PPARGC1A: variants seen among roughly 807,000 people sequenced by gnomAD.
PPARGC1A encodes the protein PPARG coactivator 1 alpha.
PPARGC1A carries 25 observed loss-of-function variants against 88.7 expected under a neutral mutation model. The ratio of observed to expected loss-of-function variants is 0.28; its 90% CI spans 0.21 to 0.39. PPARGC1A has a LOEUF of 0.39. PPARGC1A is among the 10% of genes least tolerant of loss of function. The pLI, the probability that PPARGC1A is intolerant of heterozygous loss-of-function variation, is 1.00. For missense variants in PPARGC1A, 880 were observed against 968.7 expected (o/e 0.91, Z 1.22); for synonymous variants, 363 against 355.6 (o/e 1.02, Z -0.24).
the PPARGC1A span, among the ~76,000 whole-genome samples, chr4:24,112,099 A>T: frequency 1.3e-5 from 2 of 152,212 alleles, no homozygotes; most frequent in African/African-American, 4.8e-5. Flanking sequence ...AAATGGGTAG[A>T]GTCTGTCCAT....
At chr4:24,419,647 T>C in the PPARGC1A span, among the ~76,000 whole-genome samples, 1 of 151,862 alleles carries the variant, frequency 6.6e-6, no homozygotes, top group African/African-American at 2.4e-5. Flanking sequence ...GGCGCACTCA[T>C]TCTCAGTCTG....
chr4:23,923,680 C>A, the PPARGC1A span, among the ~76,000 whole-genome samples: 2 of 152,140 alleles, frequency 1.3e-5, no homozygotes, highest in Non-Finnish European at 2.9e-5. Context: ...GAAATAGATT[C>A]CAAAAATGCT....
At chr4:24,031,527 C>A in the PPARGC1A span, among the ~76,000 whole-genome samples, 3 of 152,166 alleles carry the variant, frequency 2.0e-5, no homozygotes, top group Admixed American at 1.3e-4. Context: ...TGGGCAATTG[C>A]AGCTCAGCTC....
chr4:24,223,890 T>G, the PPARGC1A span, among the ~76,000 whole-genome samples: 1 of 152,260 alleles, frequency 6.6e-6, no homozygotes, highest in Non-Finnish European at 1.5e-5. Context: ...CTAATGTTAC[T>G]ATGATATTAC....
the PPARGC1A span, among the ~76,000 whole-genome samples, chr4:24,084,709 T>C: frequency 3.9e-5 from 6 of 152,108 alleles, no homozygotes; most frequent in African/African-American, 1.4e-4. Context: ...ATCTAAGAAA[T>C]ACATCAAACA....
chr4:24,299,946 A>G, the PPARGC1A span, among the ~76,000 whole-genome samples: 1 of 152,244 alleles, frequency 6.6e-6, no homozygotes, highest in Non-Finnish European at 1.5e-5. Flanking sequence ...AGTCTGCATC[A>G]GAAATCACAT....
chr4:24,466,902 A>G, the PPARGC1A span, among the ~76,000 whole-genome samples: 22 of 135,738 alleles, frequency 1.6e-4, no homozygotes, highest in South Asian at 2.4e-4. Context: ...AAAAAAAAAG[A>G]GGAAGGAAGG....
chr4:24,334,234 C>T, the PPARGC1A span, among the ~76,000 whole-genome samples: 3 of 152,164 alleles, frequency 2.0e-5, no homozygotes, highest in Non-Finnish European at 2.9e-5. Context: ...AGTACCTCGC[C>T]TTTTCATACA....
the PPARGC1A span, among the ~76,000 whole-genome samples, chr4:24,365,347 C>A: frequency 6.6e-6 from 1 of 152,060 alleles, no homozygotes; most frequent in Non-Finnish European, 1.5e-5. Flanking sequence ...ATTCTCTGCC[C>A]GGTGACATTT....
chr4:24,205,773 A>T, the PPARGC1A span, among the ~76,000 whole-genome samples: 1 of 152,214 alleles, frequency 6.6e-6, no homozygotes, highest in Non-Finnish European at 1.5e-5. Context: ...AGTCAGAGTC[A>T]GAATCTTTGA....
chr4:24,266,775 G>C, the PPARGC1A span, among the ~76,000 whole-genome samples: 1 of 152,056 alleles, frequency 6.6e-6, no homozygotes. Flanking sequence ...GCCATCCTCA[G>C]ATTTAGAATA....
the PPARGC1A span, among the ~76,000 whole-genome samples, chr4:24,436,546 G>A: frequency 7.5e-4 from 89 of 119,454 alleles, no homozygotes; most frequent in South Asian, 1.4e-3. Context: ...CCCAGAGCCC[G>A]GGTCACACAG....
chr4:24,104,237 G>A, the PPARGC1A span, among the ~76,000 whole-genome samples: 1 of 152,178 alleles, frequency 6.6e-6, no homozygotes, highest in Non-Finnish European at 1.5e-5. Flanking sequence ...CCAGGCCCGG[G>A]TGGCTATAGG....
intron 5 of PPARGC1A, 113 bp from the exon 6 acceptor site, chr4:23,824,621 A>T: frequency 1.1e-6 from 1 of 909,196 alleles, no homozygotes. Context: ...GACTAAACTA[A>T]GGAATTCTCT....
At chr4:23,955,277 C>T in the PPARGC1A span, among the ~76,000 whole-genome samples, 1 of 151,796 alleles carries the variant, frequency 6.6e-6, no homozygotes, top group African/African-American at 2.4e-5. Flanking sequence ...AATTCTTTAC[C>T]CTAGAAAACC....
At chr4:24,020,862 C>T in the PPARGC1A span, among the ~76,000 whole-genome samples, 2 of 152,318 alleles carry the variant, frequency 1.3e-5, no homozygotes, top group Middle Eastern at 3.4e-3. Context: ...CGTGAAATAC[C>T]TGTTTCTCTT....
the PPARGC1A span, among the ~76,000 whole-genome samples, chr4:24,034,406 T>C: frequency 6.6e-6 from 1 of 152,326 alleles, no homozygotes; most frequent in South Asian, 2.1e-4. Flanking sequence ...ATAAAATAAT[T>C]GGAAATTTTA....
chr4:23,922,987 T>A, the PPARGC1A span, among the ~76,000 whole-genome samples: 82 of 152,318 alleles, frequency 5.4e-4, no homozygotes, highest in African/African-American at 1.9e-3. Flanking sequence ...ATTTTCTAGT[T>A]CTTGACTTTT....
In PPARGC1A at chr4:23,830,451, T is replaced by C. The variant is rs60190297; in HGVS notation, c.430-866A>G. Among the ~76,000 whole-genome samples the C allele has an allele frequency of 4.5e-3, 687 of 152,162 alleles. 3 individuals are homozygous for C. Among genetic ancestry groups the C allele is most frequent in the African/African-American group, 0.014 (591 of 41,492 alleles). ...TTGAATAGATGAAAACAATCTGATA[T>C]CAATGGAAAGAAATCAGGGTACTAG... On this transcript the variant is annotated intron_variant, in intron 3 of 12. Coordinates refer to ENST00000264867, the MANE Select transcript of PPARGC1A (RefSeq NM_013261.5).
Sources: gnomAD v4.1 joint callset for allele counts (sites outside exome capture counted in the v4.1 genomes callset) on GRCh38, gnomAD v4.1.1 for gene constraint, MANE v1.5 for transcripts, NCBI Gene and HGNC (gene_info 2026-07-23, HGNC 2026-07-21) for gene names.